Variants in CORO2A observed in about 807,000 individuals in gnomAD.
The protein encoded by CORO2A is coronin-2A.
CORO2A carries 47 observed loss-of-function variants against 62.4 expected under a neutral mutation model. The observed-to-expected ratio is 0.75, with a 90% CI of 0.60 to 0.96. The LOEUF is 0.96. Among genes scored for constraint, CORO2A ranks in the 40% least tolerant of loss-of-function variants. CORO2A has a pLI of 0.00. For synonymous variants in CORO2A, 273 were observed against 268.9 expected (o/e 1.02, Z -0.15); for missense variants, 610 against 684.1 (o/e 0.89, Z 1.21).
chr9:98,166,997 G>A (rs376777438), intron 1 of CORO2A, among the ~76,000 whole-genome samples: 5 of 151,514 alleles, frequency 3.3e-5, no homozygotes, highest in East Asian at 1.9e-4. Context: ...CCAGCTACTC[G>A]GGAGGTCAAG....
chr9:98,162,113 G>C (rs1216263533), intron 1 of CORO2A, among the ~76,000 whole-genome samples: 1 of 152,222 alleles, frequency 6.6e-6, no homozygotes, highest in Non-Finnish European at 1.5e-5. Context: ...CCCCCGTTCA[G>C]ATGTAGGTGT....
At chr9:98,186,805 A>C (rs971276666) in intron 1 of CORO2A, among the ~76,000 whole-genome samples, 12 of 152,146 alleles carry the variant, frequency 7.9e-5, no homozygotes, top group African/African-American at 2.9e-4. Flanking sequence ...ATATAAGCCC[A>C]GGGTCAGCCT....
rs2231661 is a variant in CORO2A, at chr9:98,133,277, T to C, written c.469-60A>G. ...CCACCTTGCCCCTGGGCCTCATAGT[T>C]ACATGCTGGCCAGGATGCAGTGAAA... is the stretch of plus-strand genomic sequence containing the variant. On this transcript the variant is annotated intron_variant, in intron 4 of 11. Coordinates refer to ENST00000375077, the MANE Select transcript of CORO2A (RefSeq NM_052820.4). 3.2e-3 allele frequency: 4,991 copies of C among 1,536,208 alleles called. 119 individuals are homozygous for C. In the African/African-American group the frequency reaches 0.055, roughly 17 times the overall value.
chr9:98,126,142 T>C (rs1827315037), intron 11 of CORO2A, among the ~76,000 whole-genome samples: 1 of 151,098 alleles, frequency 6.6e-6, no homozygotes. Context: ...TTCAAGCCAT[T>C]CTCCTGCCTC....
At chr9:98,135,802 C>T (rs1219269898) in intron 3 of CORO2A, among the ~76,000 whole-genome samples, 1 of 152,190 alleles carries the variant, frequency 6.6e-6, no homozygotes, top group Non-Finnish European at 1.5e-5. Flanking sequence ...TCCTGGTCAT[C>T]TTGGATTTAA....
Position 98,121,066 on chromosome 9 carries a change from T to C in CORO2A, c.*3708A>G, listed in dbSNP as rs1827236693. ...TTATTTTCACTTTTATTTATTATCA[T>C]TATTTTTCACAAAGGTACAAGGAAT... On this transcript the variant is annotated 3_prime_UTR_variant, in exon 12 of 12. Coordinates refer to ENST00000375077, the MANE Select transcript of CORO2A (RefSeq NM_052820.4). The C allele has an allele frequency of 6.6e-6, 1 of 152,238 alleles. No individual in the cohort carries two copies. Among genetic ancestry groups the C allele is most frequent in the South Asian group, 2.1e-4 (1 of 4,836 alleles). 9.4% of individuals were successfully genotyped at this position (152,238 alleles called of 1,614,324 possible).
At position 98,134,817 on chromosome 9, in the gene CORO2A, A is replaced by T; in HGVS notation, c.457T>A (p.Tyr153Asn). The part of the protein sequence containing the change: ...TAANILFSAG[Y>N]DYKVMIWNLD... The stretch of plus-strand genomic sequence containing the variant: ...ATACCCAGACTCACCTTGTAGTCAT[A>T]GCCAGCACTGAAGAGGATGTTGGCG... The change falls in exon 4 of 12, where the codon TAT becomes AAT. Residue 153 changes from tyrosine to asparagine, a missense_variant. Physicochemically the swap from Tyr to Asn is moderately radical, Grantham distance 143. Coordinates refer to ENST00000375077, the MANE Select transcript of CORO2A (RefSeq NM_052820.4). 1 of 1,613,072 alleles carries T rather than the reference A, an allele frequency of 6.2e-7. No homozygotes were observed. The highest frequency in any genetic ancestry group is 1.1e-5 in the South Asian group (1 of 90,910).
At chr9:98,159,128 T>C (rs1157841077) in intron 1 of CORO2A, among the ~76,000 whole-genome samples, 2 of 150,640 alleles carry the variant, frequency 1.3e-5, no homozygotes, top group Non-Finnish European at 3.0e-5. Context: ...GGTGTGATCA[T>C]AGCTCGCTGC....
chr9:98,167,508 A>G (rs1440017965), intron 1 of CORO2A, among the ~76,000 whole-genome samples: 2 of 152,208 alleles, frequency 1.3e-5, no homozygotes, highest in Non-Finnish European at 2.9e-5. Context: ...ATATTTTTTA[A>G]AAGATCCGGT....
At chr9:98,149,076 T>G (rs1827688395) in intron 2 of CORO2A, among the ~76,000 whole-genome samples, 1 of 152,198 alleles carries the variant, frequency 6.6e-6, no homozygotes, top group Non-Finnish European at 1.5e-5. Context: ...CACAACAGTA[T>G]GCTGTACTGC....
At chr9:98,157,929 T>C (rs1827829734) in intron 1 of CORO2A, among the ~76,000 whole-genome samples, 1 of 152,288 alleles carries the variant, frequency 6.6e-6, no homozygotes, top group Middle Eastern at 3.4e-3. Context: ...TGAGTGTGAA[T>C]ATAACAAGGC....
chr9:98,128,202 G>A lies in CORO2A; in HGVS notation c.1139C>T (p.Thr380Met), dbSNP rs77416773. 170 of 1,613,342 alleles carry A rather than the reference G, an allele frequency of 1.1e-4. 1 individual carries two copies. In the East Asian group the frequency reaches 1.6e-3, roughly 15 times the overall value. ...CATCCCGCTGAGCCACTCCTGGGCCGTCAGGGAGGGCTGGGCCCCTGCTGT... is the reference window on the plus strand; with the variant it reads ...CATCCCGCTGAGCCACTCCTGGGCCATCAGGGAGGGCTGGGCCCCTGCTGT... ...PPTAGAQPSL[T>M]AQEWLSGMNR... The change falls in exon 10 of 12, where the codon ACG (threonine) becomes ATG (methionine). Residue 380 changes from threonine to methionine, a missense_variant. Thr to Met is a moderately conservative substitution (Grantham distance 81). Transcript: ENST00000375077.
intron 1 of CORO2A, among the ~76,000 whole-genome samples, chr9:98,179,302 G>A (rs1828147334): frequency 6.6e-6 from 1 of 152,220 alleles, no homozygotes; most frequent in Admixed American, 6.5e-5. Flanking sequence ...TGACCCTGCA[G>A]GACGCGGAGA....
chr9:98,139,993 G>A (rs1463973977), intron 2 of CORO2A, among the ~76,000 whole-genome samples: 1 of 151,940 alleles, frequency 6.6e-6, no homozygotes, highest in East Asian at 1.9e-4. Flanking sequence ...GATTTCTTGG[G>A]GTCATAGAGA....
At chr9:98,164,532 T>C (rs1298212659) in intron 1 of CORO2A, among the ~76,000 whole-genome samples, 1 of 152,210 alleles carries the variant, frequency 6.6e-6, no homozygotes, top group African/African-American at 2.4e-5. Flanking sequence ...TCCCACAGCA[T>C]CTTCCTTTCT....
intron 1 of CORO2A, among the ~76,000 whole-genome samples, chr9:98,175,332 G>A (rs139596317): frequency 6.6e-6 from 1 of 152,306 alleles, no homozygotes; most frequent in African/African-American, 2.4e-5. Flanking sequence ...CCCTGGCAGA[G>A]TCGTGGCTCT....
At chr9:98,173,298 C>T (rs1454852633) in intron 1 of CORO2A, among the ~76,000 whole-genome samples, 1 of 152,236 alleles carries the variant, frequency 6.6e-6, no homozygotes, top group Non-Finnish European at 1.5e-5. Context: ...CGCTGCTCTA[C>T]AGCCCAGCTC....
rs1827377241 is a variant in CORO2A, at chr9:98,129,714, A to G, written c.967+80T>C. ...CCCTGTCTCCCCAGACCCCGCACTG[A>G]AGCCCTGACCCTGATTCTCCCACCT... On this transcript the variant is annotated intron_variant, in intron 8 of 11. Coordinates refer to ENST00000375077, the MANE Select transcript of CORO2A (RefSeq NM_052820.4). 3.7e-6 allele frequency: 4 copies of G among 1,080,302 alleles called. No homozygotes were observed. The East Asian group carries it at 9.4e-5, about 26-fold the overall frequency. 66.9% of individuals were successfully genotyped at this position (1,080,302 alleles called of 1,614,324 possible).
In CORO2A at chr9:98,173,783, A is replaced by C. The variant is rs534135083; in HGVS notation, c.1-16123T>G. Among the ~76,000 whole-genome samples the C allele has an allele frequency of 4.6e-5, 7 of 152,258 alleles. No homozygotes were observed. In the East Asian group the frequency reaches 1.4e-3, roughly 29 times the overall value. ...TCCCTTCTCTAAGTCTTGATACCAC[A>C]TCGTCAGGTTGCTGTGAGATGAGCA... On this transcript the variant is annotated intron_variant, in intron 1 of 11. Transcript: ENST00000375077.
Sources: allele counts gnomAD v4.1 joint callset (sites outside exome capture counted in the v4.1 genomes callset), GRCh38; gene constraint gnomAD v4.1.1; transcripts MANE v1.5; gene names NCBI Gene and HGNC (gene_info 2026-07-23, HGNC 2026-07-21).